KHDRBS2: variants seen among roughly 807,000 people sequenced by gnomAD.
KHDRBS2 encodes the protein KH RNA binding domain containing, signal transduction associated 2.
In KHDRBS2, 26 loss-of-function variants were observed where a neutral mutation model predicts 44.3. The observed-to-expected ratio is 0.59, with a 90% CI of 0.43 to 0.81. The LOEUF is 0.81. Among genes scored for constraint, KHDRBS2 ranks in the 40% least tolerant of loss-of-function variants. The pLI is 0.00. For missense variants in KHDRBS2, 476 were observed against 433.1 expected (o/e 1.10, Z -0.88); for synonymous variants, 194 against 151.1 (o/e 1.28, Z -2.08).
chr6:62,033,625 GAT>G (rs996575957), intron 3 of KHDRBS2, among the ~76,000 whole-genome samples: 1 of 150,320 alleles, frequency 6.7e-6, no homozygotes. Flanking sequence ...TATATATCCA[GAT>G]ATATATATAT....
intron 3 of KHDRBS2, among the ~76,000 whole-genome samples, chr6:61,987,648 T>C (rs530609371): frequency 5.0e-4 from 76 of 152,284 alleles, no homozygotes; most frequent in South Asian, 4.1e-3. Context: ...TTGTTCTGAA[T>C]CCCCAATTTA....
At chr6:61,644,110 T>C in the KHDRBS2 span, among the ~76,000 whole-genome samples, 10 of 152,086 alleles carry the variant, frequency 6.6e-5, no homozygotes, top group Non-Finnish European at 1.3e-4. Flanking sequence ...AGCAGACACA[T>C]AGACCAATGG....
intron 4 of KHDRBS2, among the ~76,000 whole-genome samples, chr6:61,948,436 T>A (rs1404102308): frequency 6.6e-6 from 1 of 151,958 alleles, no homozygotes; most frequent in Non-Finnish European, 1.5e-5. Flanking sequence ...TGCCATTGGG[T>A]AGTCATTTCT....
chr6:62,272,909 A>G (rs1363660306), intron 1 of KHDRBS2, among the ~76,000 whole-genome samples: 1 of 152,178 alleles, frequency 6.6e-6, no homozygotes, highest in Non-Finnish European at 1.5e-5. Flanking sequence ...AGACTACAGG[A>G]GTTCTGTTGT....
chr6:62,092,220 G>C (rs970367175), intron 2 of KHDRBS2, among the ~76,000 whole-genome samples: 10 of 151,728 alleles, frequency 6.6e-5, no homozygotes, highest in African/African-American at 2.4e-4. Context: ...GTGAATTTGG[G>C]GTTTGACGCC....
chr6:61,600,881 T>C, the KHDRBS2 span, among the ~76,000 whole-genome samples: 1 of 152,194 alleles, frequency 6.6e-6, no homozygotes, highest in Non-Finnish European at 1.5e-5. Context: ...TCCCTTCTCT[T>C]AATTTCAGTT....
rs1773625274 is a variant in KHDRBS2, at chr6:61,980,552, T to A, written c.337-2340A>T. The stretch of plus-strand genomic sequence containing the variant: ...ATTTGAATGGGTTTCTTTATAAAAA[T>A]TTGTTTTAATAGACTTGTGATCTGA... On this transcript the variant is annotated intron_variant, in intron 3 of 8. Transcript: ENST00000281156. 3.3e-5 allele frequency among the ~76,000 whole-genome samples: 5 copies of A among 152,336 alleles called. No individual in the cohort carries two copies. In the South Asian group the frequency reaches 1.0e-3, roughly 32 times the overall value.
rs137971162 is a variant in KHDRBS2 at position 61,763,591 on chromosome 6, G to C, written c.811-30827C>G. The stretch of plus-strand genomic sequence containing the variant: ...GGAGCCCTTTTAGAGTTGAAAATGG[G>C]CAAGTGTCCAGAATAAAACCTTTAC... On this transcript the variant is annotated intron_variant, in intron 6 of 8. Transcript: ENST00000281156. 7.2e-5 allele frequency among the ~76,000 whole-genome samples: 11 copies of C among 152,192 alleles called. No individual in the cohort carries two copies. In the East Asian group the frequency reaches 2.1e-3, roughly 29 times the overall value.
At chr6:61,565,311 C>G in the KHDRBS2 span, among the ~76,000 whole-genome samples, 1 of 152,054 alleles carries the variant, frequency 6.6e-6, no homozygotes, top group Non-Finnish European at 1.5e-5. Flanking sequence ...CAAAAATGGA[C>G]AAATGGGATT....
intron 1 of KHDRBS2, among the ~76,000 whole-genome samples, chr6:62,199,237 G>C (rs1826370101): frequency 1.3e-5 from 2 of 152,246 alleles, no homozygotes; most frequent in South Asian, 2.1e-4. Flanking sequence ...GTTCTGGCCA[G>C]GGCAATCAGG....
At chr6:62,181,892 G>A (rs1822389839) in intron 1 of KHDRBS2, among the ~76,000 whole-genome samples, 2 of 152,000 alleles carry the variant, frequency 1.3e-5, no homozygotes, top group Non-Finnish European at 2.9e-5. Flanking sequence ...CTACATGGCA[G>A]CATCCACAAA....
the KHDRBS2 span, among the ~76,000 whole-genome samples, chr6:61,607,889 T>C: frequency 1.3e-5 from 2 of 152,164 alleles, no homozygotes; most frequent in African/African-American, 2.4e-5. Context: ...GGTTTCACCA[T>C]GTTGGCCAGG....
chr6:61,628,227 TTTTTTTTTTTTTTTC>T, the KHDRBS2 span, among the ~76,000 whole-genome samples: 20 of 89,162 alleles, frequency 2.2e-4, no homozygotes, highest in South Asian at 9.0e-4. Context: ...TTTTTTTTTT[TTTTTTTTTTTTTTTC>T]AACCTGGGCT....
chr6:62,144,440 TG>T, intron 2 of KHDRBS2, among the ~76,000 whole-genome samples: 1 of 152,066 alleles, frequency 6.6e-6, no homozygotes, highest in East Asian at 1.9e-4. Context: ...CCTAACCTCA[TG>T]TTTTTTTTCC....
intron 1 of KHDRBS2, among the ~76,000 whole-genome samples, chr6:62,244,586 T>C (rs758137706): frequency 7.2e-5 from 11 of 152,176 alleles, no homozygotes; most frequent in Non-Finnish European, 2.9e-5. Context: ...ATAGCTCAGA[T>C]ATTTACACAA....
At chr6:61,902,637 T>A (rs1198526022) in intron 4 of KHDRBS2, among the ~76,000 whole-genome samples, 2 of 152,170 alleles carry the variant, frequency 1.3e-5, no homozygotes, top group African/African-American at 2.4e-5. Context: ...GTGAAATCAA[T>A]CTAGTGGCTC....
chr6:61,683,223 C>G (rs1766493513), intron 8 of KHDRBS2, among the ~76,000 whole-genome samples: 1 of 151,732 alleles, frequency 6.6e-6, no homozygotes, highest in African/African-American at 2.4e-5. Flanking sequence ...ACATACACTC[C>G]CAGATTTTTT....
chr6:62,164,026 G>A (rs539473983), intron 2 of KHDRBS2, among the ~76,000 whole-genome samples: 5 of 151,884 alleles, frequency 3.3e-5, no homozygotes, highest in East Asian at 3.9e-4. Flanking sequence ...GAAATAAAAC[G>A]TGCATTTTTT....
At chr6:62,164,560 T>C (rs1306179803) in intron 2 of KHDRBS2, among the ~76,000 whole-genome samples, 2 of 151,870 alleles carry the variant, frequency 1.3e-5, no homozygotes, top group Non-Finnish European at 2.9e-5. Flanking sequence ...TTATCTGTCT[T>C]ACATTTATTT....
Sources: allele counts gnomAD v4.1 joint callset (sites outside exome capture counted in the v4.1 genomes callset), GRCh38; gene constraint gnomAD v4.1.1; transcripts MANE v1.5; gene names NCBI Gene and HGNC (gene_info 2026-07-23, HGNC 2026-07-21).